Variants in FAM227B observed in about 807,000 individuals in gnomAD.
The protein encoded by FAM227B is protein FAM227B.
A neutral mutation model predicts 73.8 loss-of-function variants in FAM227B; 88 were observed. That is an observed-to-expected ratio of 1.19 (90% CI 1.00 to 1.42). The LOEUF is 1.42. Among genes scored for constraint, FAM227B ranks in the 40% most tolerant of loss-of-function variants. FAM227B has a pLI of 0.00. For synonymous variants in FAM227B, 210 were observed against 190.5 expected (o/e 1.10, Z -0.84); for missense variants, 632 against 590.9 (o/e 1.07, Z -0.72).
intron 9 of FAM227B, among the ~76,000 whole-genome samples, chr15:49,547,039 G>A (rs1441210187): frequency 1.3e-5 from 2 of 152,126 alleles, no homozygotes; most frequent in African/African-American, 2.4e-5. Flanking sequence ...GAGAAAGGTC[G>A]GGTTACCCAC....
At chr15:49,374,095 A>G (rs2046006776) in intron 11 of FAM227B, among the ~76,000 whole-genome samples, 1 of 152,144 alleles carries the variant, frequency 6.6e-6, no homozygotes, top group Non-Finnish European at 1.5e-5. Context: ...CCATTAACCA[A>G]CCACACCAGA....
At chr15:49,564,781 TAAAC>T in intron 9 of FAM227B, among the ~76,000 whole-genome samples, 1 of 151,904 alleles carries the variant, frequency 6.6e-6, no homozygotes, top group East Asian at 1.9e-4. Flanking sequence ...AAGTGGGAGC[TAAAC>T]ATTGAATACA....
At chr15:49,351,483 C>G (rs1228284193) in intron 13 of FAM227B, among the ~76,000 whole-genome samples, 1 of 151,414 alleles carries the variant, frequency 6.6e-6, no homozygotes, top group African/African-American at 2.4e-5. Flanking sequence ...TTTTAAAAAT[C>G]TGCTTCCATC....
chr15:49,440,538 T>C (rs2051540575), intron 11 of FAM227B, among the ~76,000 whole-genome samples: 1 of 151,822 alleles, frequency 6.6e-6, no homozygotes. Flanking sequence ...GAACATATTG[T>C]TGTACAGTCA....
chr15:49,591,115 G>A (rs2076528933), intron 3 of FAM227B, among the ~76,000 whole-genome samples: 1 of 138,170 alleles, frequency 7.2e-6, no homozygotes, highest in Admixed American at 7.9e-5. Flanking sequence ...TGCGATCTTG[G>A]CTCACTGCAA....
intron 11 of FAM227B, among the ~76,000 whole-genome samples, chr15:49,441,561 A>G (rs953529551): frequency 2.0e-5 from 3 of 151,708 alleles, no homozygotes; most frequent in African/African-American, 7.2e-5. Flanking sequence ...AAGATTAGTT[A>G]GGATTTCCAT....
chr15:49,571,747 C>A (rs2075122436), intron 8 of FAM227B, among the ~76,000 whole-genome samples: 1 of 151,878 alleles, frequency 6.6e-6, no homozygotes, highest in African/African-American at 2.4e-5. Context: ...TTGGTTACTA[C>A]AGCATTGTAG....
At chr15:49,501,327 G>A (rs1452916576) in intron 11 of FAM227B, among the ~76,000 whole-genome samples, 3 of 152,210 alleles carry the variant, frequency 2.0e-5, no homozygotes, top group Non-Finnish European at 4.4e-5. Context: ...GTGAAGCCCA[G>A]GCTGATGAGG....
chr15:49,351,019 G>A (rs1056263705), intron 13 of FAM227B, among the ~76,000 whole-genome samples: 1 of 152,136 alleles, frequency 6.6e-6, no homozygotes, highest in Middle Eastern at 3.2e-3. Flanking sequence ...GACCACACTG[G>A]CCAGTGCATA....
At chr15:49,585,024 G>A (rs1172223802) in intron 5 of FAM227B, among the ~76,000 whole-genome samples, 1 of 152,058 alleles carries the variant, frequency 6.6e-6, no homozygotes, top group Non-Finnish European at 1.5e-5. Context: ...TCAAAAAGTG[G>A]GCGAAGGATA....
chr15:49,516,264 T>C lies in FAM227B; in HGVS notation c.875-7916A>G, dbSNP rs144951852. Among the ~76,000 whole-genome samples the C allele has an allele frequency of 1.1e-3, 163 of 152,210 alleles. 1 individual carries two copies. The highest frequency in any genetic ancestry group is 3.9e-3 in the African/African-American group (162 of 41,528). The stretch of plus-strand genomic sequence containing the variant: ...ACTATCCCTAAGCTTTCTTATGAGG[T>C]CCATGGTGTAAAACATAAATGTAGG... On this transcript the variant is annotated intron_variant, in intron 10 of 15. Transcript: ENST00000299338.
In FAM227B at chr15:49,594,832, T is replaced by C. The variant is rs144066837; in HGVS notation, c.106-4825A>G. Among the ~76,000 whole-genome samples, 26 of 152,318 alleles carry C rather than the reference T, an allele frequency of 1.7e-4. No homozygotes were observed. In the South Asian group the frequency reaches 5.0e-3, roughly 29 times the overall value. On this transcript the variant is annotated intron_variant, in intron 3 of 15. Coordinates refer to ENST00000299338, the MANE Select transcript of FAM227B (RefSeq NM_152647.3). Reference sequence around the variant, plus strand: ...TGCTGTTTTGGTGACTACAGCCTTATAGTGTAGTTTGAAGTTGGGTATTAT... The same window carrying C: ...TGCTGTTTTGGTGACTACAGCCTTACAGTGTAGTTTGAAGTTGGGTATTAT...
rs144145049 is a variant in FAM227B at position 49,463,149 on chromosome 15, T to C, written c.1012+45062A>G. Among the ~76,000 whole-genome samples the C allele has an allele frequency of 6.1e-3, 936 of 152,334 alleles. 5 individuals are homozygous for C. The highest frequency in any genetic ancestry group is 0.01 in the Non-Finnish European group (708 of 68,026). On this transcript the variant is annotated intron_variant, in intron 11 of 15. Coordinates refer to ENST00000299338, the MANE Select transcript of FAM227B (RefSeq NM_152647.3). ...AGGCCTCCATCAGCTCCTGCTTAGA[T>C]CAGTACTACAATCTCTTCACTGGTC...
intron 11 of FAM227B, among the ~76,000 whole-genome samples, chr15:49,440,180 T>C (rs925841220): frequency 6.6e-6 from 1 of 151,816 alleles, no homozygotes; most frequent in African/African-American, 2.4e-5. Flanking sequence ...AGCATACTTT[T>C]AGTTAAACCC....
chr15:49,521,095 C>G (rs1406701996), intron 10 of FAM227B, among the ~76,000 whole-genome samples: 4 of 152,144 alleles, frequency 2.6e-5, no homozygotes, highest in Non-Finnish European at 4.4e-5. Flanking sequence ...CCCCTCAAAC[C>G]TGAATTGAGG....
chr15:49,482,555 A>G (rs1385115123), intron 11 of FAM227B, among the ~76,000 whole-genome samples: 1 of 152,006 alleles, frequency 6.6e-6, no homozygotes, highest in East Asian at 1.9e-4. Flanking sequence ...TATATTCAAG[A>G]GCTATTCTGT....
chr15:49,516,077 A>G (rs1239951093), intron 10 of FAM227B, among the ~76,000 whole-genome samples: 3 of 152,062 alleles, frequency 2.0e-5, no homozygotes, highest in African/African-American at 7.2e-5. Context: ...CTTGTAGGTA[A>G]ATCAGGTCTT....
intron 9 of FAM227B, among the ~76,000 whole-genome samples, chr15:49,545,297 T>C (rs565175402): frequency 6.6e-6 from 1 of 152,320 alleles, no homozygotes; most frequent in African/African-American, 2.4e-5. Flanking sequence ...AAGGTGTTCA[T>C]AGTAGCCCTA....
At chr15:49,616,821 T>C (rs1445114680) in intron 1 of FAM227B, among the ~76,000 whole-genome samples, 1 of 152,238 alleles carries the variant, frequency 6.6e-6, no homozygotes, top group East Asian at 1.9e-4. Context: ...GATATAAATA[T>C]TTATTCTTAA....
Sources: gnomAD v4.1 joint callset for allele counts (sites outside exome capture counted in the v4.1 genomes callset) on GRCh38, gnomAD v4.1.1 for gene constraint, MANE v1.5 for transcripts, NCBI Gene and HGNC (gene_info 2026-07-23, HGNC 2026-07-21) for gene names.